The following RSPH3 variants were observed in gnomAD, a reference collection of about 807,000 sequenced individuals.
RSPH3 encodes the protein radial spoke head protein 3 homolog.
In RSPH3, 21 loss-of-function variants were observed where a neutral mutation model predicts 43.8. The observed-to-expected ratio is 0.48, with a 90% confidence interval of 0.34 to 0.69. The LOEUF is 0.69. Ranked by LOEUF, RSPH3 falls within the 30% of genes least tolerant of loss-of-function variation. RSPH3 has a pLI of 0.01. For synonymous variants in RSPH3, 173 were observed against 179.8 expected, an observed-to-expected ratio of 0.96 and a Z score of 0.30; for missense variants, 487 against 516.0, an observed-to-expected ratio of 0.94 and a Z score of 0.54.
At chr6:158,996,579 T>C (rs1212062189) in intron 1 of RSPH3, among the ~76,000 whole-genome samples, 2 of 152,216 alleles carry the variant, frequency 1.3e-5, no homozygotes, top group Non-Finnish European at 2.9e-5. Context: ...CAGTTATATA[T>C]ACCCAATCAA....
At chr6:158,981,899 C>A (rs1778040779) in intron 5 of RSPH3, among the ~76,000 whole-genome samples, 1 of 152,172 alleles carries the variant, frequency 6.6e-6, no homozygotes, top group Admixed American at 6.5e-5. Context: ...TGCTTCCTAA[C>A]TGTAGGCTAC....
Position 158,977,814 on chromosome 6 carries a change from A to G in RSPH3, c.981T>C (p.Cys327=), listed in dbSNP as rs1325334073. Residue 327 remains cysteine, a synonymous_variant, in exon 8 of 8, where the codon TGT becomes TGC. Transcript: ENST00000367069. ...GTGTGTCTTCCCCATGCTCATACAT[A>G]CACAGCCTCTTTTCAACCACCTCAC... The part of the protein sequence containing the change: ...LIREVVEKRL[C]MYEHGEDTHQ... 1.2e-6 allele frequency: 2 copies of G among 1,613,194 alleles called. No individual in the cohort carries two copies. The highest frequency in any genetic ancestry group is 1.7e-6 in the Non-Finnish European group (2 of 1,179,816).
downstream of RSPH3, among the ~76,000 whole-genome samples, chr6:158,968,691 C>T (rs1777658264): frequency 6.6e-6 from 1 of 152,094 alleles, no homozygotes; most frequent in Admixed American, 6.6e-5. Flanking sequence ...CCTTCTCCTT[C>T]CTTTGTAGTA....
chr6:158,981,540 G>A (rs1778029740), intron 5 of RSPH3, among the ~76,000 whole-genome samples: 1 of 150,930 alleles, frequency 6.6e-6, no homozygotes, highest in African/African-American at 2.4e-5. Flanking sequence ...TCCATAATAT[G>A]TTTCCAAATA....
At chr6:158,994,468 A>G (rs932280187) in intron 1 of RSPH3, among the ~76,000 whole-genome samples, 1 of 152,172 alleles carries the variant, frequency 6.6e-6, no homozygotes, top group East Asian at 1.9e-4. Flanking sequence ...CCTGGCCAAC[A>G]TGGTGAAACG....
chr6:158,999,029 C>T (rs1162601329), intron 1 of RSPH3, among the ~76,000 whole-genome samples: 1 of 152,302 alleles, frequency 6.6e-6, no homozygotes, highest in African/African-American at 2.4e-5. Flanking sequence ...ATCTTTGCAC[C>T]GCGGTCTCCT....
At chr6:158,971,957 T>A (rs1191072697), downstream of RSPH3, among the ~76,000 whole-genome samples, 2 of 152,026 alleles carry the variant, frequency 1.3e-5, no homozygotes, top group African/African-American at 4.8e-5. Flanking sequence ...GTTCCAAAAC[T>A]GTGCCATATG....
chr6:158,984,889 T>C (rs999344127), intron 3 of RSPH3, among the ~76,000 whole-genome samples: 1 of 152,146 alleles, frequency 6.6e-6, no homozygotes, highest in African/African-American at 2.4e-5. Context: ...TAAAGAAACA[T>C]GAAAACTTAG....
intron 2 of RSPH3, among the ~76,000 whole-genome samples, chr6:158,992,771 T>A (rs899642461): frequency 6.6e-6 from 1 of 152,216 alleles, no homozygotes; most frequent in South Asian, 2.1e-4. Flanking sequence ...TATGGATTCA[T>A]CTGTATTTCA....
At chr6:158,963,097 A>G in the RSPH3 span, among the ~76,000 whole-genome samples, 69 of 152,246 alleles carry the variant, frequency 4.5e-4, 1 homozygote, top group African/African-American at 1.5e-3. Context: ...ATCTGTAAGG[A>G]ATACTGAATA....
chr6:158,976,272 A>G lies in RSPH3; in HGVS notation c.*1266T>C, dbSNP rs1777836053. ...ACTTCAGTTATTGCTTACGATTAGGAAGGCTTTGGAGAGAAAATAACTTGT... is the reference window on the plus strand; with the variant it reads ...ACTTCAGTTATTGCTTACGATTAGGGAGGCTTTGGAGAGAAAATAACTTGT... On this transcript the variant is annotated 3_prime_UTR_variant, in exon 8 of 8. Transcript: ENST00000367069. 2 of 152,228 alleles carry G rather than the reference A, an allele frequency of 1.3e-5. No homozygotes were observed. The highest frequency in any genetic ancestry group is 4.8e-5 in the African/African-American group (2 of 41,456). 9.4% of individuals were successfully genotyped at this position (152,228 alleles called of 1,614,324 possible). A position where few individuals can be genotyped will look rare whatever the true frequency, so the allele number is the denominator to read the frequency against.
chr6:158,970,711 A>C (rs1346659278), downstream of RSPH3, among the ~76,000 whole-genome samples: 1 of 151,874 alleles, frequency 6.6e-6, no homozygotes, highest in East Asian at 1.9e-4. Flanking sequence ...ATGCCTTGCC[A>C]GTTTATTTAT....
chr6:158,980,633 C>T (rs573930417), intron 6 of RSPH3, 141 bp downstream of exon 6: 5 of 653,432 alleles, frequency 7.7e-6, no homozygotes, highest in Non-Finnish European at 1.3e-5. Flanking sequence ...AACAACTGTA[C>T]TTACTTTAAA....
Position 158,977,645 on chromosome 6 carries a change from C to G in RSPH3, c.1150G>C (p.Asp384His). Residue 384 changes from aspartate (D) to histidine (H), a missense_variant, in exon 8 of 8, where the codon GAC becomes CAC. Asp to His is a moderately conservative substitution (Grantham distance 81, BLOSUM62 -1). Coordinates refer to ENST00000367069, the MANE Select transcript of RSPH3 (RefSeq NM_031924.8). ...TTCCTTTCCTGGGATGACCTTCTGTCATATGTTGTTCTTTGTAGGTAGCCT... is the reference window on the plus strand; with the variant it reads ...TTCCTTTCCTGGGATGACCTTCTGTGATATGTTGTTCTTTGTAGGTAGCCT... Reference protein sequence around the residue: ...DGGYLQRTTYDRRSSQERKFM... With the variant: ...DGGYLQRTTYHRRSSQERKFM... 2 of 1,614,120 alleles carry G rather than the reference C, an allele frequency of 1.2e-6. No homozygotes were observed. Among genetic ancestry groups the G allele is most frequent in the Non-Finnish European group, 1.7e-6 (2 of 1,180,008 alleles).
intron 2 of RSPH3, among the ~76,000 whole-genome samples, chr6:158,993,319 T>C (rs1778481658): frequency 1.3e-5 from 2 of 152,084 alleles, no homozygotes; most frequent in South Asian, 2.1e-4. Flanking sequence ...GGTTTCACCA[T>C]GTTGGCCAGA....
chr6:158,972,504 C>T (rs1242985229), downstream of RSPH3, among the ~76,000 whole-genome samples: 10 of 152,154 alleles, frequency 6.6e-5, no homozygotes, highest in Non-Finnish European at 1.3e-4. Context: ...ACTGTGCTCA[C>T]CAAGGTCTTT....
chr6:158,986,348 G>C lies in RSPH3; in HGVS notation c.278C>G (p.Ala93Gly). 1 of 1,614,042 alleles carries C rather than the reference G, an allele frequency of 6.2e-7. No homozygotes were observed. The highest frequency in any genetic ancestry group is 8.5e-7 in the Non-Finnish European group (1 of 1,179,900). The change falls in exon 3 of 8, where the codon GCC becomes GGC. Residue 93 changes from alanine (A) to glycine (G), a missense_variant. Physicochemically the swap from Ala to Gly is moderately conservative, Grantham distance 60. Coordinates refer to ENST00000367069, the MANE Select transcript of RSPH3 (RefSeq NM_031924.8). ...TGTTTGTGGTCTGAGCTGCTCTTGG[G>C]CTTGTTTTCTGGCAAGAGCCCTCTT... Reference protein sequence around the residue: ...ARKRALARKQAQEQLRPQTPE... With the variant: ...ARKRALARKQGQEQLRPQTPE...
chr6:158,977,617 A>C lies in RSPH3; in HGVS notation c.1178T>G (p.Phe393Cys), dbSNP rs1777888596. ...YDRRSSQERK[F>C]MEERELLGQD... Reference sequence around the variant, plus strand: ...CCCTAAGAGTTCTCTCTCTTCCATAAACTTCCTTTCCTGGGATGACCTTCT... The same window carrying C: ...CCCTAAGAGTTCTCTCTCTTCCATACACTTCCTTTCCTGGGATGACCTTCT... The change falls in exon 8 of 8, where the codon TTT becomes TGT. Residue 393 changes from phenylalanine (F) to cysteine (C), a missense_variant. Transcript: ENST00000367069. 6.2e-7 allele frequency: 1 copy of C among 1,613,838 alleles called. No homozygotes were observed. Among genetic ancestry groups the C allele is most frequent in the Non-Finnish European group, 8.5e-7 (1 of 1,179,992 alleles).
chr6:158,999,943 C>G lies in RSPH3; in HGVS notation c.-393G>C. On this transcript the variant is annotated 5_prime_UTR_variant, in exon 1 of 8. Coordinates refer to ENST00000367069, the MANE Select transcript of RSPH3 (RefSeq NM_031924.8). ...CGCCTGCGCTTTGCGAGGTTCCTGG[C>G]TAGGGAGGCGGCCTTGGCTGGCTTG... The G allele has an allele frequency of 6.2e-7, 1 of 1,607,588 alleles. No individual in the cohort carries two copies.
Sources: allele counts gnomAD v4.1 joint callset (sites outside exome capture counted in the v4.1 genomes callset), GRCh38; gene constraint gnomAD v4.1.1; transcripts MANE v1.5; gene names NCBI Gene and HGNC (gene_info 2026-07-23, HGNC 2026-07-21).